Variants in CCNJL observed in about 807,000 individuals in gnomAD.
CCNJL encodes cyclin-J-like protein.
Under a neutral mutation model 33.4 loss-of-function variants are expected in CCNJL, and 33 were observed. The ratio of observed to expected loss-of-function variants is 0.99; its 90% CI spans 0.75 to 1.32. The LOEUF (loss-of-function observed/expected upper bound fraction) is 1.32. Ranked by LOEUF, CCNJL falls within the 40% of genes most tolerant of loss-of-function variation. The probability of loss-of-function intolerance (pLI) is 0.00; values close to 1 mark genes in which losing one functional copy is unlikely to be tolerated. For missense variants in CCNJL, 512 were observed against 499.7 expected (o/e 1.02, Z -0.23); for synonymous variants, 227 against 220.9 (o/e 1.03, Z -0.24).
At chr5:160,313,089 C>T (rs72814313), upstream of CCNJL, among the ~76,000 whole-genome samples, 13,336 of 152,222 alleles carry the variant, frequency 0.088, 705 homozygotes, top group South Asian at 0.2. Context: ...CTAAAGGAGC[C>T]TAAGTCACTG....
upstream of CCNJL, chr5:160,315,437 G>A (rs1225992677): frequency 2.0e-5 from 9 of 449,268 alleles, no homozygotes; most frequent in African/African-American, 1.6e-4. Context: ...AGCACCAAAG[G>A]TTGAGGCAGC....
intron 2 of CCNJL, among the ~76,000 whole-genome samples, chr5:160,295,975 G>A (rs1419453533): frequency 1.3e-5 from 2 of 152,132 alleles, no homozygotes; most frequent in African/African-American, 2.4e-5. Flanking sequence ...CAAGTTCTCC[G>A]CTTGAGCCTG....
At chr5:160,312,867 T>C (rs1763323731), upstream of CCNJL, 1 of 151,988 alleles carries the variant, frequency 6.6e-6, no homozygotes, top group South Asian at 2.1e-4. Flanking sequence ...CCCAGAAAGT[T>C]CTGCCTTCCG....
intron 1 of CCNJL, among the ~76,000 whole-genome samples, chr5:160,335,746 G>GAA (rs141030863): frequency 1.5e-4 from 19 of 127,514 alleles, no homozygotes; most frequent in African/African-American, 3.8e-4. Flanking sequence ...TTTTTTTTTT[G>GAA]AAATTTTTTT....
intron 2 of CCNJL, among the ~76,000 whole-genome samples, chr5:160,287,795 G>C (rs1196809315): frequency 1.3e-5 from 2 of 152,186 alleles, no homozygotes; most frequent in African/African-American, 4.8e-5. Context: ...GGGCGGGCAG[G>C]AACCTGGCCA....
At position 160,259,529 on chromosome 5, in the gene CCNJL, G is replaced by T; in HGVS notation, c.523C>A (p.Arg175Ser). ...TCCTTGAGGCACTCTTTGGTCTTGCGGGGGCAGGTGGTGGGCCAGGTGTGG... is the reference window on the plus strand; with the variant it reads ...TCCTTGAGGCACTCTTTGGTCTTGCTGGGGCAGGTGGTGGGCCAGGTGTGG... ...HCHTWPTTCPRKTKECLKEYA... is the reference protein window; with the variant it reads ...HCHTWPTTCPSKTKECLKEYA... Residue 175 changes from arginine (R) to serine (S), a missense_variant, in exon 4 of 6, where the codon CGC becomes AGC. Arg to Ser is a moderately radical substitution (Grantham distance 110). Transcript: ENST00000257536. The T allele has an allele frequency of 6.2e-7, 1 of 1,614,162 alleles. No individual in the cohort carries two copies. Among genetic ancestry groups the T allele is most frequent in the Non-Finnish European group, 8.5e-7 (1 of 1,180,014 alleles).
chr5:160,273,869 G>A (rs1364985463), intron 3 of CCNJL, among the ~76,000 whole-genome samples: 3 of 151,802 alleles, frequency 2.0e-5, no homozygotes, highest in Admixed American at 6.6e-5. Flanking sequence ...GGCTGGTCTC[G>A]AACTTCTGAC....
At chr5:160,316,582 G>A (rs1763382566), upstream of CCNJL, among the ~76,000 whole-genome samples, 1 of 152,126 alleles carries the variant, frequency 6.6e-6, no homozygotes, top group South Asian at 2.1e-4. Context: ...TTCTCCCTCT[G>A]GTCCCAGGCC....
chr5:160,332,992 T>G (rs1763629117), intron 1 of CCNJL, among the ~76,000 whole-genome samples: 1 of 152,154 alleles, frequency 6.6e-6, no homozygotes, highest in South Asian at 2.1e-4. Flanking sequence ...TCATCAACGA[T>G]TCTCTTCCTC....
chr5:160,251,365 CAT>C lies in CCNJL; in HGVS notation c.*2011_*2012del, dbSNP rs1760796973. 1 of 152,270 alleles carries C rather than the reference CAT, an allele frequency of 6.6e-6. No homozygotes were observed. Among genetic ancestry groups the C allele is most frequent in the Non-Finnish European group, 1.5e-5 (1 of 68,066 alleles). 9.4% of individuals were successfully genotyped at this position (152,270 alleles called of 1,614,324 possible). ...TTTTAGACCACAGCCTCTGCAATCA[CAT>C]GAGCCAATTCCTTAAAATAAATCTC... On this transcript the variant is annotated 3_prime_UTR_variant, in exon 6 of 6. Transcript: ENST00000257536.
At chr5:160,323,222 G>A (rs1266220433) in intron 1 of CCNJL, among the ~76,000 whole-genome samples, 6 of 147,754 alleles carry the variant, frequency 4.1e-5, no homozygotes, top group African/African-American at 1.3e-4. Flanking sequence ...GCAACAGAGC[G>A]AGACTCCAAC....
rs554607246 is a variant in CCNJL at position 160,253,791 on chromosome 5, C to T, written c.751G>A (p.Asp251Asn). The T allele has an allele frequency of 1.3e-6, 2 of 1,507,360 alleles. No homozygotes were observed. The highest frequency in any genetic ancestry group is 1.8e-4 in the Middle Eastern group (1 of 5,608). The allele number at this position is 1,507,360 out of a possible 1,614,324, so 93.4% of individuals were successfully genotyped here. ...GCTACGGCATCCTTGAGGACGTTGT[C>T]ATACACTCTGAAACGAGAAGACCTG... ...TCIEILLVVY[D>N]NVLKDAVAVK... The change falls in exon 6 of 6, where the codon GAC (aspartate) becomes AAC (asparagine). Residue 251 changes from aspartate (D) to asparagine (N), a missense_variant. Asp to Asn is a conservative substitution (Grantham distance 23). Transcript: ENST00000257536.
chr5:160,280,751 C>A lies in CCNJL; in HGVS notation c.67-13G>T, dbSNP rs73817375. On this transcript the variant is annotated splice_polypyrimidine_tract_variant and intron_variant, in intron 2 of 5. Transcript: ENST00000257536. ...GCAGCTTCAGTTCCTGGAGGACAGG[C>A]GGGGCGGAGGGGTGACGGTCAGGGC... The A allele has an allele frequency of 1.3e-6, 2 of 1,567,778 alleles. No individual in the cohort carries two copies. Among genetic ancestry groups the A allele is most frequent in the South Asian group, 2.3e-5 (2 of 87,512 alleles).
intron 1 of CCNJL, chr5:160,327,068 T>C: frequency 2.9e-6 from 1 of 347,480 alleles, no homozygotes; most frequent in Non-Finnish European, 5.5e-6. Flanking sequence ...TTGTTTTGAT[T>C]ACCCTTATGT....
chr5:160,311,212 C>T (rs1376380491), intron 2 of CCNJL, among the ~76,000 whole-genome samples: 1 of 152,150 alleles, frequency 6.6e-6, no homozygotes, highest in East Asian at 1.9e-4. Context: ...CCTTCTGCCA[C>T]AGGAGGCAAA....
At chr5:160,331,024 C>T (rs112725349) in intron 1 of CCNJL, among the ~76,000 whole-genome samples, 1 of 151,998 alleles carries the variant, frequency 6.6e-6, no homozygotes, top group Admixed American at 6.6e-5. Flanking sequence ...GACTCTGATC[C>T]CCTGTCCTCT....
chr5:160,330,029 A>C (rs114329193), intron 1 of CCNJL, among the ~76,000 whole-genome samples: 1,985 of 152,110 alleles, frequency 0.013, 29 homozygotes, highest in South Asian at 0.027. Flanking sequence ...ACAGTGAGGC[A>C]CCTGAGCCTT....
At chr5:160,337,345 G>A (rs1169148902) in intron 1 of CCNJL, among the ~76,000 whole-genome samples, 1 of 151,968 alleles carries the variant, frequency 6.6e-6, no homozygotes, top group East Asian at 1.9e-4. Flanking sequence ...CTAATCTCCT[G>A]TCTCCCTCTT....
At chr5:160,323,050 T>G (rs905129035) in intron 1 of CCNJL, among the ~76,000 whole-genome samples, 1 of 151,948 alleles carries the variant, frequency 6.6e-6, no homozygotes. Flanking sequence ...CTGGCCAATA[T>G]GGTGAAACCC....
Sources: gnomAD v4.1 joint callset for allele counts (sites outside exome capture counted in the v4.1 genomes callset) on GRCh38, gnomAD v4.1.1 for gene constraint, MANE v1.5 for transcripts, NCBI Gene and HGNC (gene_info 2026-07-23, HGNC 2026-07-21) for gene names.